The following UBE2U variants were observed in gnomAD, a reference collection of about 807,000 sequenced individuals.
UBE2U encodes the protein ubiquitin conjugating enzyme E2 U, also known as ubiquitin-conjugating enzyme E2 U.
In UBE2U, 39 loss-of-function variants were observed where a neutral mutation model predicts 41.2. The observed-to-expected ratio is 0.95, with a 90% confidence interval of 0.73 to 1.24. The LOEUF is 1.24. Among genes scored for constraint, UBE2U ranks in the 50% most tolerant of loss-of-function variants. UBE2U has a pLI of 0.00. For synonymous variants in UBE2U, 107 were observed against 117.8 expected, an observed-to-expected ratio of 0.91 and a Z score of 0.60; for missense variants, 336 against 363.1, an observed-to-expected ratio of 0.93 and a Z score of 0.61.
intron 6 of UBE2U, among the ~76,000 whole-genome samples, chr1:64,225,636 G>C (rs1338439141): frequency 1.3e-5 from 2 of 152,222 alleles, no homozygotes; most frequent in Non-Finnish European, 2.9e-5. Context: ...AGACAATGGT[G>C]GTTCGGTCAA....
At chr1:64,248,824 GT>G (rs1322309246) in intron 8 of UBE2U, among the ~76,000 whole-genome samples, 1 of 152,008 alleles carries the variant, frequency 6.6e-6, no homozygotes, top group Non-Finnish European at 1.5e-5. Flanking sequence ...AATCCTAACG[GT>G]TTTTTTAAAC....
intron 6 of UBE2U, 116 bp downstream of exon 6, chr1:64,221,023 T>C (rs1299445474): frequency 7.6e-6 from 5 of 656,028 alleles, no homozygotes; most frequent in East Asian, 3.2e-5. Context: ...AAACATCTTA[T>C]AATATCTTTT....
In UBE2U at chr1:64,221,412, C is replaced by T. The variant is rs1418342485; in HGVS notation, c.506+505C>T. 2.6e-5 allele frequency among the ~76,000 whole-genome samples: 4 copies of T among 152,102 alleles called. No individual in the cohort carries two copies. The South Asian group carries it at 6.2e-4, about 24-fold the overall frequency. On this transcript the variant is annotated intron_variant, in intron 6 of 9. Transcript: ENST00000371077. ...ACAGACGTGAGCCACTGTGCCCGGC[C>T]GATCTTGCCTTTTTTATATTTTTGA...
At chr1:64,244,235 T>G (rs1371803888) in intron 8 of UBE2U, 2 of 1,526,660 alleles carry the variant, frequency 1.3e-6, no homozygotes, top group African/African-American at 2.7e-5. Flanking sequence ...TTTTTATCTG[T>G]TAAATGGAGA....
chr1:64,245,433 T>C (rs1293222697), intron 8 of UBE2U, among the ~76,000 whole-genome samples: 2 of 152,250 alleles, frequency 1.3e-5, no homozygotes, highest in African/African-American at 4.8e-5. Flanking sequence ...CAGAAAAATC[T>C]TTATCAGTAT....
At chr1:64,255,484 G>A (rs556588480) in intron 8 of UBE2U, among the ~76,000 whole-genome samples, 2 of 152,252 alleles carry the variant, frequency 1.3e-5, no homozygotes, top group African/African-American at 4.8e-5. Context: ...GAAAACTTCA[G>A]GCCAATGTCC....
chr1:64,251,722 C>T (rs2100508959), intron 8 of UBE2U, among the ~76,000 whole-genome samples: 1 of 152,258 alleles, frequency 6.6e-6, no homozygotes, highest in South Asian at 2.1e-4. Flanking sequence ...ATCAGGAGAT[C>T]CCCTCATGAG....
chr1:64,241,985 G>A (rs41529245), intron 8 of UBE2U, among the ~76,000 whole-genome samples: 34,647 of 151,718 alleles, frequency 0.23, 4,119 homozygotes, highest in Middle Eastern at 0.36. Context: ...AAGAAATCTC[G>A]TAATATCCTT....
chr1:64,239,045 A>AAAGAAG (rs552575122), intron 7 of UBE2U, among the ~76,000 whole-genome samples: 10 of 116,178 alleles, frequency 8.6e-5, no homozygotes, highest in African/African-American at 1.3e-4. Context: ...CCCATCTCAA[A>AAAGAAG]AAGAAGAAGA....
Position 64,224,738 on chromosome 1 carries a change from A to AG in UBE2U, c.506+3831_506+3832insG, listed in dbSNP as rs1277498450. ...ACTCTGTGTCAAAAAAAAAAAAAAA[A>AG]TTAAGTGAAAAGTTGGACACAGAAA... On this transcript the variant is annotated intron_variant, in intron 6 of 9. Coordinates refer to ENST00000371077, the MANE Select transcript of UBE2U (RefSeq NM_001366232.2). Among the ~76,000 whole-genome samples the AG allele has an allele frequency of 1.1e-4, 17 of 150,154 alleles. 1 individual carries two copies. Among genetic ancestry groups the AG allele is most frequent in the African/African-American group, 3.4e-4 (14 of 41,092 alleles).
At chr1:64,263,799 G>A (rs763176448) in intron 9 of UBE2U, among the ~76,000 whole-genome samples, 5 of 152,128 alleles carry the variant, frequency 3.3e-5, no homozygotes, top group Non-Finnish European at 5.9e-5. Context: ...CAGGCATGGC[G>A]GGTTCCTCAG....
At position 64,239,061 on chromosome 1, in the gene UBE2U, A is replaced by AGG. The variant is rs1557729282; in HGVS notation, c.596-2591_596-2590insGG. 4.7e-3 allele frequency among the ~76,000 whole-genome samples: 436 copies of AGG among 91,950 alleles called. 30 individuals carry two copies. The highest frequency in any genetic ancestry group is 0.019 in the African/African-American group (405 of 21,134). The allele number at this position is 91,950 out of a possible 152,430, so 60.3% of individuals were successfully genotyped here. ...CCATCTCAAAAAGAAGAAGAAGAAG[A>AGG]AGAAGAGGAAGAGGAAGAGGAAGAG... is the stretch of plus-strand genomic sequence containing the variant. On this transcript the variant is annotated intron_variant, in intron 7 of 9. Transcript: ENST00000371077.
chr1:64,211,490 A>G (rs960896357), intron 4 of UBE2U, among the ~76,000 whole-genome samples: 1 of 152,072 alleles, frequency 6.6e-6, no homozygotes, highest in African/African-American at 2.4e-5. Context: ...CCCAGGCTAG[A>G]GTGCAACGGC....
chr1:64,264,841 T>C (rs1645231532), intron 9 of UBE2U, among the ~76,000 whole-genome samples: 1 of 152,058 alleles, frequency 6.6e-6, no homozygotes, highest in Non-Finnish European at 1.5e-5. Flanking sequence ...TCCCAGTTAC[T>C]TGGGAGGCTG....
chr1:64,203,826 C>A lies in UBE2U; in HGVS notation c.-225C>A. On this transcript the variant is annotated 5_prime_UTR_variant, in exon 1 of 10. Coordinates refer to ENST00000371077, the MANE Select transcript of UBE2U (RefSeq NM_001366232.2). ...GAAACGCCGCAGATGAGGAAGTGCC[C>A]AAGTCTTCCTTCGGGAAGTTCTCGT... The A allele has an allele frequency of 2.4e-6, 1 of 417,080 alleles. No individual in the cohort carries two copies. The highest frequency in any genetic ancestry group is 4.3e-6 in the Non-Finnish European group (1 of 233,260). 25.8% of individuals were successfully genotyped at this position (417,080 alleles called of 1,614,324 possible).
chr1:64,246,005 G>T (rs1644914450), intron 8 of UBE2U, among the ~76,000 whole-genome samples: 1 of 152,094 alleles, frequency 6.6e-6, no homozygotes, highest in Non-Finnish European at 1.5e-5. Context: ...CTTAATAAAA[G>T]TTTAAATTGT....
intron 6 of UBE2U, among the ~76,000 whole-genome samples, chr1:64,228,791 C>T (rs1455828000): frequency 2.1e-5 from 3 of 145,104 alleles, no homozygotes; most frequent in Non-Finnish European, 4.5e-5. Context: ...TGGGTTCAAG[C>T]GATTCTCCTG....
intron 9 of UBE2U, among the ~76,000 whole-genome samples, chr1:64,265,349 G>A (rs977986821): frequency 6.6e-6 from 1 of 152,158 alleles, no homozygotes; most frequent in African/African-American, 2.4e-5. Context: ...AAAGCATGTG[G>A]AGTCAGAAAG....
chr1:64,236,999 G>A (rs367621138), intron 7 of UBE2U, among the ~76,000 whole-genome samples: 1 of 152,096 alleles, frequency 6.6e-6, no homozygotes, highest in Non-Finnish European at 1.5e-5. Flanking sequence ...ACCAAGGCTG[G>A]GAAGGTCCTA....
Sources: gnomAD v4.1 joint callset for allele counts (sites outside exome capture counted in the v4.1 genomes callset) on GRCh38, gnomAD v4.1.1 for gene constraint, MANE v1.5 for transcripts, NCBI Gene and HGNC (gene_info 2026-07-23, HGNC 2026-07-21) for gene names.